Variants in TENT2 observed in about 807,000 individuals in gnomAD.
TENT2 encodes terminal nucleotidyltransferase 2.
A neutral mutation model predicts 72.2 loss-of-function variants in TENT2; 44 were observed. The ratio of observed to expected loss-of-function variants is 0.61; its 90% CI spans 0.48 to 0.78. The LOEUF is 0.78. Among genes scored for constraint, TENT2 ranks in the 30% least tolerant of loss-of-function variants. TENT2 has a pLI of 0.00. For synonymous variants in TENT2, 212 were observed against 192.5 expected (o/e 1.10, Z -0.84); for missense variants, 541 against 569.6 (o/e 0.95, Z 0.51).
At chr5:79,636,836 T>C (rs964829899) in intron 4 of TENT2, among the ~76,000 whole-genome samples, 3 of 152,332 alleles carry the variant, frequency 2.0e-5, no homozygotes, top group Middle Eastern at 3.4e-3. Context: ...AAATATTTCA[T>C]GCTTTTTGCT....
intron 4 of TENT2, among the ~76,000 whole-genome samples, chr5:79,624,301 A>G (rs1229819152): frequency 6.6e-6 from 1 of 152,204 alleles, no homozygotes; most frequent in African/African-American, 2.4e-5. Context: ...GTTCCTATCA[A>G]CCAGCATGGG....
intron 12 of TENT2, among the ~76,000 whole-genome samples, chr5:79,670,723 C>T (rs1046872568): frequency 6.6e-6 from 1 of 150,586 alleles, no homozygotes; most frequent in Non-Finnish European, 1.5e-5. Flanking sequence ...CTAGAGTTCT[C>T]TTTAAGATAT....
In TENT2 at chr5:79,633,432, G is replaced by GTTTT. The variant is rs539713889; in HGVS notation, c.466-7397_466-7394dup. On this transcript the variant is annotated intron_variant, in intron 4 of 14. Transcript: ENST00000453514. Reference sequence around the variant, plus strand: ...AGGTCTCGGTATTTCCAGCTAAAAAGTTTTTTTTTTTTTTTTTTTTTTTTT... The same window carrying GTTTT: ...AGGTCTCGGTATTTCCAGCTAAAAAGTTTTTTTTTTTTTTTTTTTTTTTTTTTTT... Among the ~76,000 whole-genome samples, 346 of 80,364 alleles carry GTTTT rather than the reference G, an allele frequency of 4.3e-3. 6 individuals are homozygous for GTTTT. Among genetic ancestry groups the GTTTT allele is most frequent in the East Asian group, 6.1e-3 (15 of 2,464 alleles). The allele number at this position is 80,364 out of a possible 152,430, so 52.7% of individuals were successfully genotyped here.
intron 1 of TENT2, chr5:79,614,103 T>G (rs1757459365): frequency 7.0e-6 from 1 of 142,006 alleles, no homozygotes; most frequent in African/African-American, 2.6e-5. Context: ...TTTTTTTTTT[T>G]TTTTTTTTTT....
At chr5:79,617,872 C>CT (rs1241519339) in intron 1 of TENT2, among the ~76,000 whole-genome samples, 1 of 152,020 alleles carries the variant, frequency 6.6e-6, no homozygotes, top group Non-Finnish European at 1.5e-5. Context: ...TATAAACTTC[C>CT]TTTTTTTGTG....
chr5:79,667,865 A>C (rs1580591135), intron 11 of TENT2, among the ~76,000 whole-genome samples: 1 of 125,764 alleles, frequency 8.0e-6, no homozygotes, highest in African/African-American at 4.0e-5. Context: ...ATTAGTATCT[A>C]TAAGCCCAGG....
chr5:79,670,976 A>G (rs968071642), intron 12 of TENT2, among the ~76,000 whole-genome samples: 3 of 151,816 alleles, frequency 2.0e-5, no homozygotes, highest in Admixed American at 6.6e-5. Flanking sequence ...TTATTATGTT[A>G]TATAAATTAG....
chr5:79,613,816 A>T (rs1757158574), intron 1 of TENT2: 1 of 152,230 alleles, frequency 6.6e-6, no homozygotes, highest in African/African-American at 2.4e-5. Context: ...GTGGGTTGGC[A>T]GGATTTAGGA....
chr5:79,683,954 A>G (rs1366805249), intron 14 of TENT2, among the ~76,000 whole-genome samples: 1 of 142,172 alleles, frequency 7.0e-6, no homozygotes, highest in East Asian at 2.0e-4. Flanking sequence ...AAAAAAAAAG[A>G]AATTCTTTAA....
At chr5:79,630,020 A>G (rs924208129) in intron 4 of TENT2, among the ~76,000 whole-genome samples, 2 of 152,172 alleles carry the variant, frequency 1.3e-5, no homozygotes, top group African/African-American at 2.4e-5. Context: ...CCGTAGTCCC[A>G]GCAACTCGGG....
Position 79,641,178 on chromosome 5 carries a change from A to C in TENT2, c.654A>C (p.Leu218=). The C allele has an allele frequency of 6.3e-7, 1 of 1,577,200 alleles. No homozygotes were observed. The highest frequency in any genetic ancestry group is 8.6e-7 in the Non-Finnish European group (1 of 1,169,070). The change falls in exon 6 of 15, where the codon CTA becomes CTC. Residue 218 remains leucine (L), a synonymous_variant. Transcript: ENST00000453514. ...GTRSSDGDLC[L]VVKEEPCFFQ... is the part of the protein sequence containing the mutation. ...GGAGCAGTGATGGTGATTTATGCCTAGTTGTTAAGGAAGAACCAGTAAGTA... is the reference window on the plus strand; with the variant it reads ...GGAGCAGTGATGGTGATTTATGCCTCGTTGTTAAGGAAGAACCAGTAAGTA...
chr5:79,644,997 T>G, intron 7 of TENT2, 126 bp from the exon 8 acceptor site: 1 of 737,652 alleles, frequency 1.4e-6, no homozygotes, highest in African/African-American at 1.8e-5. Flanking sequence ...TCACTTGTAT[T>G]CTTTTTCAAA....
At chr5:79,620,375 A>T (rs1394594610) in intron 3 of TENT2, among the ~76,000 whole-genome samples, 41 of 152,136 alleles carry the variant, frequency 2.7e-4, no homozygotes, top group Admixed American at 2.7e-3. Flanking sequence ...TCCTCAGAAA[A>T]CCACTTTTTA....
At chr5:79,651,284 G>A (rs1218004998) in intron 10 of TENT2, among the ~76,000 whole-genome samples, 3 of 151,676 alleles carry the variant, frequency 2.0e-5, no homozygotes, top group Non-Finnish European at 4.4e-5. Context: ...AAGGGTGGAT[G>A]TTCTTTTTTC....
At chr5:79,627,734 C>T (rs1291249213) in intron 4 of TENT2, among the ~76,000 whole-genome samples, 1 of 152,186 alleles carries the variant, frequency 6.6e-6, no homozygotes, top group Non-Finnish European at 1.5e-5. Context: ...AACCACCCGC[C>T]TCAGCTTCCC....
chr5:79,619,397 A>G (rs1762975188), intron 1 of TENT2, among the ~76,000 whole-genome samples: 2 of 152,212 alleles, frequency 1.3e-5, no homozygotes, highest in Admixed American at 6.5e-5. Context: ...AAATGTGCAT[A>G]TATCTTGCTG....
At chr5:79,623,663 A>G (rs1766914815) in intron 4 of TENT2, 174 bp downstream of exon 4, 1 of 424,640 alleles carries the variant, frequency 2.4e-6, no homozygotes, top group East Asian at 3.6e-5. Flanking sequence ...TTTGTTAGCT[A>G]TTCTTTTATA....
At chr5:79,639,864 A>T (rs974445989) in intron 4 of TENT2, among the ~76,000 whole-genome samples, 2 of 152,142 alleles carry the variant, frequency 1.3e-5, no homozygotes, top group African/African-American at 4.8e-5. Context: ...CCGGAAAGGG[A>T]GTATGTTGTG....
intron 10 of TENT2, among the ~76,000 whole-genome samples, chr5:79,654,875 T>C (rs1796809374): frequency 6.6e-6 from 1 of 152,208 alleles, no homozygotes; most frequent in African/African-American, 2.4e-5. Flanking sequence ...TTGGTACATC[T>C]ATATGGAAAG....
Sources: allele counts gnomAD v4.1 joint callset (sites outside exome capture counted in the v4.1 genomes callset), GRCh38; gene constraint gnomAD v4.1.1; transcripts MANE v1.5; gene names NCBI Gene and HGNC (gene_info 2026-07-23, HGNC 2026-07-21).